The following CTNNB1 variants were observed in gnomAD, a reference collection of about 807,000 sequenced individuals.
CTNNB1 encodes catenin beta-1.
In CTNNB1, 6 loss-of-function variants were observed where a neutral mutation model predicts 82.5. That is an observed-to-expected ratio of 0.07 (90% confidence interval 0.04 to 0.14). The LOEUF is 0.14. Among genes scored for constraint, CTNNB1 ranks in the 10% least tolerant of loss-of-function variants. The pLI, the probability that CTNNB1 is intolerant of heterozygous loss-of-function variation, is 1.00. For missense variants in CTNNB1, 529 were observed against 980.4 expected (o/e 0.54, Z 6.15); for synonymous variants, 312 against 329.7 (o/e 0.95, Z 0.58).
At chr3:41,201,722 TA>T (rs969446644) in intron 1 of CTNNB1, among the ~76,000 whole-genome samples, 2 of 151,314 alleles carry the variant, frequency 1.3e-5, no homozygotes, top group East Asian at 1.9e-4. Flanking sequence ...GGTGGCTAAT[TA>T]AAAAAAAATG....
chr3:41,235,634 TATATAATGTAA>T, intron 10 of CTNNB1, 79 bp from the exon 11 acceptor site: 1 of 1,549,996 alleles, frequency 6.5e-7, no homozygotes, highest in Admixed American at 1.7e-5. Flanking sequence ...GAACTTCGGG[TATATAATGTAA>T]ATAATTACAG....
At chr3:41,224,886 T>G (rs770877302) in intron 3 of CTNNB1, 68 bp from the exon 4 acceptor site, 6 of 1,611,142 alleles carry the variant, frequency 3.7e-6, no homozygotes, top group Non-Finnish European at 5.1e-6. Flanking sequence ...ACTTTTACCA[T>G]TTAGGATAGC....
chr3:41,236,314 G>A lies in CTNNB1; in HGVS notation c.1804-35G>A, dbSNP rs770096477. The A allele has an allele frequency of 4.3e-6, 7 of 1,613,878 alleles. No individual in the cohort carries two copies. In the South Asian group the frequency reaches 6.6e-5, roughly 15 times the overall value. Reference sequence around the variant, plus strand: ...GGGGGCTTGCCATGTTTTAGCTTTAGATTTAATTAGGTTTTGTTTGTGTTT... The same window carrying A: ...GGGGGCTTGCCATGTTTTAGCTTTAAATTTAATTAGGTTTTGTTTGTGTTT... On this transcript the variant is annotated intron_variant, in intron 11 of 14. Coordinates refer to ENST00000349496, the MANE Select transcript of CTNNB1 (RefSeq NM_001904.4).
In CTNNB1 at chr3:41,225,944, T is replaced by G; in HGVS notation, c.936+83T>G. Reference sequence around the variant, plus strand: ...GTCATTCCATGCAGTGTTCCTAACCTTTTTGGCACCAGGGACCAGTTTCGT... The same window carrying G: ...GTCATTCCATGCAGTGTTCCTAACCGTTTTGGCACCAGGGACCAGTTTCGT... On this transcript the variant is annotated intron_variant, in intron 6 of 14. Transcript: ENST00000349496. The surrounding 1 kb of genome is among the most constrained non-coding windows in gnomAD (Gnocchi z 5.3). 1 of 1,340,090 alleles carries G rather than the reference T, an allele frequency of 7.5e-7. No individual in the cohort carries two copies. Among genetic ancestry groups the G allele is most frequent in the Non-Finnish European group, 1.1e-6 (1 of 947,290 alleles). The allele number at this position is 1,340,090 out of a possible 1,614,324, so 83.0% of individuals were successfully genotyped here.
At chr3:41,234,064 T>A in intron 9 of CTNNB1, 75 bp from the exon 10 acceptor site, 2 of 1,586,352 alleles carry the variant, frequency 1.3e-6, no homozygotes, top group African/African-American at 1.3e-5. Context: ...ACCAATAGAT[T>A]TAGTGTGGTG....
chr3:41,235,451 T>C, intron 10 of CTNNB1: 2 of 507,188 alleles, frequency 3.9e-6, no homozygotes, highest in South Asian at 4.4e-5. Flanking sequence ...GAATGATTGG[T>C]GCCCTTACTG....
Position 41,236,603 on chromosome 3 carries a change from C to G in CTNNB1, c.1970C>G (p.Ala657Gly), listed in dbSNP as rs2125646936. ...RNEGVATYAAAVLFRMSEDKP... is the reference protein window; with the variant it reads ...RNEGVATYAAGVLFRMSEDKP... ...TGTCTCTTAGCGACATATGCAGCTG[C>G]TGTTTTGTTCCGAATGTCTGAGGAC... The change falls in exon 13 of 15, where the codon GCT becomes GGT. Residue 657 changes from alanine (A) to glycine (G), a missense_variant. By Grantham distance (60) the Ala-to-Gly change is moderately conservative. This residue lies in a region of CTNNB1 where 411 missense variants were observed against 776.4 expected (regional missense o/e 0.53). Coordinates refer to ENST00000349496, the MANE Select transcript of CTNNB1 (RefSeq NM_001904.4). The G allele has an allele frequency of 6.2e-7, 1 of 1,614,192 alleles. No individual in the cohort carries two copies. Among genetic ancestry groups the G allele is most frequent in the Non-Finnish European group, 8.5e-7 (1 of 1,180,036 alleles).
At chr3:41,202,976 A>C (rs199913898) in intron 1 of CTNNB1, among the ~76,000 whole-genome samples, 1 of 152,240 alleles carries the variant, frequency 6.6e-6, no homozygotes, top group East Asian at 1.9e-4. Flanking sequence ...CCTAAGGAAA[A>C]ATAAGCTCTT....
chr3:41,214,058 C>T (rs994805384), intron 1 of CTNNB1, among the ~76,000 whole-genome samples: 1 of 152,158 alleles, frequency 6.6e-6, no homozygotes, highest in Non-Finnish European at 1.5e-5. Context: ...CAAATAGATG[C>T]TTCTCAAGGA....
chr3:41,234,540 G>A, intron 10 of CTNNB1: 1 of 529,092 alleles, frequency 1.9e-6, no homozygotes. Flanking sequence ...GGTTGGGTTA[G>A]GTGTTTCATA....
intron 1 of CTNNB1, among the ~76,000 whole-genome samples, chr3:41,202,977 A>G (rs1178367462): frequency 2.0e-5 from 3 of 152,044 alleles, no homozygotes; most frequent in Non-Finnish European, 4.4e-5. Context: ...CTAAGGAAAA[A>G]TAAGCTCTTG....
Position 41,239,457 on chromosome 3 carries a change from T to TA in CTNNB1, c.*118dup. ...GGGTGGGAGTGGTTTAGGCTATTTG[T>TA]AAATCTGCCACAAAAACAGGTATAT... On this transcript the variant is annotated 3_prime_UTR_variant, in exon 15 of 15. Coordinates refer to ENST00000349496, the MANE Select transcript of CTNNB1 (RefSeq NM_001904.4). 1.2e-6 allele frequency: 1 copy of TA among 867,268 alleles called. No individual in the cohort carries two copies. Among genetic ancestry groups the TA allele is most frequent in the African/African-American group, 1.7e-5 (1 of 60,134 alleles). The allele number at this position is 867,268 out of a possible 1,614,324, so 53.7% of individuals were successfully genotyped here. A position where few individuals can be genotyped will look rare whatever the true frequency, so the allele number is the denominator to read the frequency against.
At chr3:41,203,978 G>A (rs1172179518) in intron 1 of CTNNB1, among the ~76,000 whole-genome samples, 1 of 152,068 alleles carries the variant, frequency 6.6e-6, no homozygotes, top group Non-Finnish European at 1.5e-5. Context: ...GCGTAGGGAC[G>A]GAAAATGACA....
intron 1 of CTNNB1, among the ~76,000 whole-genome samples, chr3:41,204,570 G>A (rs1460064382): frequency 6.6e-6 from 1 of 152,206 alleles, no homozygotes; most frequent in African/African-American, 2.4e-5. Context: ...AAGTGCACAT[G>A]AAGCAGCCAG....
chr3:41,207,937 C>T (rs577080423), intron 1 of CTNNB1, among the ~76,000 whole-genome samples: 1 of 152,258 alleles, frequency 6.6e-6, no homozygotes, highest in South Asian at 2.1e-4. Context: ...CTTATTGTCA[C>T]TTCTTGACCT....
At chr3:41,230,412 A>C (rs983852914) in intron 7 of CTNNB1, among the ~76,000 whole-genome samples, 2 of 152,192 alleles carry the variant, frequency 1.3e-5, no homozygotes, top group Admixed American at 6.5e-5. Flanking sequence ...AAGCTTAGGA[A>C]TCTTTAAGTT....
At chr3:41,227,417 C>T in intron 7 of CTNNB1, 65 bp downstream of exon 7, 5 of 1,564,488 alleles carry the variant, frequency 3.2e-6, no homozygotes, top group South Asian at 1.1e-5. Flanking sequence ...GATTACTTTT[C>T]TTAGGAAAAG....
At chr3:41,237,866 TGAA>T in intron 13 of CTNNB1, 147 bp from the exon 14 acceptor site, 1 of 702,286 alleles carries the variant, frequency 1.4e-6, no homozygotes, top group Admixed American at 2.2e-5. Context: ...TGTGGAGTTT[TGAA>T]GAACTTCCAT....
Position 41,224,731 on chromosome 3 carries a change from C to G in CTNNB1, c.219C>G (p.Ser73=), listed in dbSNP as rs1312319524. 6.2e-7 allele frequency: 1 copy of G among 1,613,842 alleles called. No individual in the cohort carries two copies. Among genetic ancestry groups the G allele is most frequent in the Non-Finnish European group, 8.5e-7 (1 of 1,179,876 alleles). ...AGTGGGAACAGGGATTTTCTCAGTC[C>G]TTCACTCAAGAACAAGTAGCTGGTA... is the stretch of plus-strand genomic sequence containing the variant. ...LYEWEQGFSQ[S]FTQEQVADID... Residue 73 remains serine (S), a synonymous_variant, in exon 3 of 15, where the codon TCC becomes TCG. Transcript: ENST00000349496.
Sources: allele counts gnomAD v4.1 joint callset (sites outside exome capture counted in the v4.1 genomes callset), GRCh38; gene constraint gnomAD v4.1.1; regional missense constraint gnomAD v4.1.1; non-coding constraint Gnocchi (gnomAD v3.1); transcripts MANE v1.5; gene names NCBI Gene and HGNC (gene_info 2026-07-23, HGNC 2026-07-21).